The following CPNE8 variants were observed in gnomAD, a reference collection of about 807,000 sequenced individuals.
CPNE8 encodes copine-8.
Under a neutral mutation model 81.5 loss-of-function variants are expected in CPNE8, and 45 were observed. The observed-to-expected ratio is 0.55, with a 90% CI of 0.44 to 0.71. The LOEUF (loss-of-function observed/expected upper bound fraction) is 0.71, where lower values mean the gene tolerates loss of function less well. CPNE8 is among the 30% of genes least tolerant of loss of function. The pLI, the probability that CPNE8 is intolerant of heterozygous loss-of-function variation, is 0.00. For missense variants in CPNE8, 594 were observed against 672.1 expected (o/e 0.88, Z 1.28); for synonymous variants, 252 against 226.3 (o/e 1.11, Z -1.02).
chr12:38,670,302 T>G (rs950857957), intron 19 of CPNE8, among the ~76,000 whole-genome samples: 1 of 152,166 alleles, frequency 6.6e-6, no homozygotes, highest in African/African-American at 2.4e-5. Flanking sequence ...ATATGGAAAT[T>G]TTATGCAACT....
At chr12:38,855,752 G>T (rs1451103058) in intron 3 of CPNE8, among the ~76,000 whole-genome samples, 1 of 152,012 alleles carries the variant, frequency 6.6e-6, no homozygotes, top group Non-Finnish European at 1.5e-5. Flanking sequence ...TAATAAGTAG[G>T]TGAGGTACTG....
chr12:38,667,761 T>C (rs1046754389), intron 19 of CPNE8, among the ~76,000 whole-genome samples: 3 of 152,154 alleles, frequency 2.0e-5, no homozygotes, highest in Non-Finnish European at 4.4e-5. Context: ...AATGTTACTT[T>C]ATGGTGATAG....
intron 13 of CPNE8, among the ~76,000 whole-genome samples, chr12:38,715,015 A>G (rs1391532732): frequency 6.6e-6 from 1 of 152,098 alleles, no homozygotes; most frequent in African/African-American, 2.4e-5. Context: ...AACTCTGCAT[A>G]ATTTCTAATT....
chr12:38,707,050 C>T (rs774612116), intron 13 of CPNE8, among the ~76,000 whole-genome samples: 1 of 152,114 alleles, frequency 6.6e-6, no homozygotes, highest in Non-Finnish European at 1.5e-5. Context: ...TGCAGTGGAT[C>T]CCACCTGTAA....
intron 1 of CPNE8, among the ~76,000 whole-genome samples, chr12:38,902,352 G>GAA (rs759837154): frequency 1.3e-4 from 8 of 61,222 alleles, no homozygotes; most frequent in African/African-American, 5.5e-4. Flanking sequence ...AAGAAAGAAA[G>GAA]AAAGAAAGAA....
At chr12:38,663,352 A>T (rs925282085) in intron 19 of CPNE8, among the ~76,000 whole-genome samples, 1 of 152,134 alleles carries the variant, frequency 6.6e-6, no homozygotes, top group Non-Finnish European at 1.5e-5. Context: ...AGTGACCTAA[A>T]TAGATATTTC....
chr12:38,843,390 A>G (rs1943504590), intron 4 of CPNE8, among the ~76,000 whole-genome samples: 2 of 152,136 alleles, frequency 1.3e-5, no homozygotes, highest in Admixed American at 6.5e-5. Flanking sequence ...GGACCAGTCC[A>G]TGGCCAGGTG....
intron 6 of CPNE8, among the ~76,000 whole-genome samples, chr12:38,784,566 A>G (rs1321296142): frequency 6.6e-6 from 1 of 152,164 alleles, no homozygotes; most frequent in African/African-American, 2.4e-5. Flanking sequence ...AGACTACCTC[A>G]AGGCATGTAG....
At chr12:38,747,892 T>C (rs1368823164) in intron 10 of CPNE8, among the ~76,000 whole-genome samples, 7 of 152,162 alleles carry the variant, frequency 4.6e-5, no homozygotes, top group African/African-American at 1.7e-4. Context: ...GTAATTTACA[T>C]TTCTATTAGA....
chr12:38,821,389 A>G lies in CPNE8; in HGVS notation c.407+7990T>C, dbSNP rs534718737. 2.0e-5 allele frequency among the ~76,000 whole-genome samples: 3 copies of G among 152,326 alleles called. No homozygotes were observed. In the South Asian group the frequency reaches 6.2e-4, roughly 32 times the overall value. The stretch of plus-strand genomic sequence containing the variant: ...AAACACAATCCCTAAAACCTCTATT[A>G]TACTCAGATTCTATCTACCAGAATC... On this transcript the variant is annotated intron_variant, in intron 6 of 19. Coordinates refer to ENST00000331366, the MANE Select transcript of CPNE8 (RefSeq NM_153634.3).
chr12:38,730,177 G>A (rs1444508447), intron 11 of CPNE8, 106 bp downstream of exon 11: 2 of 719,970 alleles, frequency 2.8e-6, no homozygotes, highest in African/African-American at 3.6e-5. Flanking sequence ...TACATACACT[G>A]ATACTTAGTT....
At chr12:38,776,180 T>A in intron 7 of CPNE8, 58 bp downstream of exon 7, 1 of 845,920 alleles carries the variant, frequency 1.2e-6, no homozygotes, top group Non-Finnish European at 1.8e-6. Context: ...AAGTACAATT[T>A]TAGATATAGC....
At chr12:38,673,775 G>T (rs1044826881) in intron 18 of CPNE8, among the ~76,000 whole-genome samples, 2 of 151,448 alleles carry the variant, frequency 1.3e-5, no homozygotes, top group African/African-American at 4.9e-5. Flanking sequence ...AGAGGAATAG[G>T]ATTACTAAGA....
At chr12:38,885,934 C>A (rs2137131409) in intron 1 of CPNE8, among the ~76,000 whole-genome samples, 1 of 152,196 alleles carries the variant, frequency 6.6e-6, no homozygotes, top group South Asian at 2.1e-4. Context: ...TGCCTTCCAC[C>A]ATGATTGAAA....
chr12:38,778,650 TC>T (rs1941984660), intron 6 of CPNE8, among the ~76,000 whole-genome samples: 1 of 152,208 alleles, frequency 6.6e-6, no homozygotes, highest in Non-Finnish European at 1.5e-5. Flanking sequence ...TTTTCTGCTT[TC>T]CTATTGATGT....
In CPNE8 at chr12:38,802,048, C is replaced by T. The variant is rs1293668301; in HGVS notation, c.408-25747G>A. On this transcript the variant is annotated intron_variant, in intron 6 of 19. Coordinates refer to ENST00000331366, the MANE Select transcript of CPNE8 (RefSeq NM_153634.3). Reference sequence around the variant, plus strand: ...CTACAAAGAGACTTAGACTCCCACACATTAATAATGGGAGACTTTAACACC... The same window carrying T: ...CTACAAAGAGACTTAGACTCCCACATATTAATAATGGGAGACTTTAACACC... Among the ~76,000 whole-genome samples the T allele has an allele frequency of 2.7e-4, 6 of 22,352 alleles. 1 individual carries two copies. The highest frequency in any genetic ancestry group is 4.3e-4 in the African/African-American group (6 of 14,106). 14.7% of individuals were successfully genotyped at this position (22,352 alleles called of 152,430 possible).
rs576352891 is a variant in CPNE8, at chr12:38,654,083, C to T, written c.1507-13G>A. 62 of 1,566,558 alleles carry T rather than the reference C, an allele frequency of 4.0e-5. No individual in the cohort carries two copies. Among genetic ancestry groups the T allele is most frequent in the South Asian group, 3.1e-4 (26 of 83,698 alleles). On this transcript the variant is annotated splice_polypyrimidine_tract_variant and intron_variant, in intron 19 of 19. Coordinates refer to ENST00000331366, the MANE Select transcript of CPNE8 (RefSeq NM_153634.3). Reference sequence around the variant, plus strand: ...TGAATGGCACAAACTAAAACAGAGACGAAAGAAAGTTATTTCACAGACTTT... The same window carrying T: ...TGAATGGCACAAACTAAAACAGAGATGAAAGAAAGTTATTTCACAGACTTT...
At chr12:38,727,261 G>T (rs1176191354) in intron 11 of CPNE8, among the ~76,000 whole-genome samples, 1 of 152,142 alleles carries the variant, frequency 6.6e-6, no homozygotes, top group Non-Finnish European at 1.5e-5. Flanking sequence ...AGCTCTGTAT[G>T]TAGCAGCATT....
intron 6 of CPNE8, among the ~76,000 whole-genome samples, chr12:38,825,367 A>G (rs890787191): frequency 1.3e-5 from 2 of 152,182 alleles, no homozygotes; most frequent in Non-Finnish European, 2.9e-5. Context: ...ATTCAGGAAA[A>G]AAAGTTAAAA....
Sources: gnomAD v4.1 joint callset for allele counts (sites outside exome capture counted in the v4.1 genomes callset) on GRCh38, gnomAD v4.1.1 for gene constraint, MANE v1.5 for transcripts, NCBI Gene and HGNC (gene_info 2026-07-23, HGNC 2026-07-21) for gene names.